Variants in CNTLN observed in about 807,000 individuals in gnomAD.
The protein encoded by CNTLN is centlein, also known as centlein, centrosomal protein.
In CNTLN, 212 loss-of-function variants were observed where a neutral mutation model predicts 180.0. The observed-to-expected ratio is 1.18, with a 90% confidence interval of 1.05 to 1.32. The LOEUF (loss-of-function observed/expected upper bound fraction) is 1.32, where lower values mean the gene tolerates loss of function less well. CNTLN is among the 40% of genes most tolerant of loss of function. CNTLN has a pLI of 0.00. For missense variants in CNTLN, 2,095 were observed against 1,610.9 expected (o/e 1.30, Z -5.14); for synonymous variants, 722 against 563.1 (o/e 1.28, Z -3.99).
At chr9:17,473,574 C>G (rs1832151543) in intron 23 of CNTLN, among the ~76,000 whole-genome samples, 1 of 147,264 alleles carries the variant, frequency 6.8e-6, no homozygotes, top group Admixed American at 6.8e-5. Flanking sequence ...CTTTCATTAG[C>G]AAACACACAC....
intron 5 of CNTLN, among the ~76,000 whole-genome samples, chr9:17,244,045 T>C (rs1005086218): frequency 1.3e-5 from 2 of 152,312 alleles, no homozygotes; most frequent in African/African-American, 4.8e-5. Flanking sequence ...TTGACCTCTT[T>C]ATCATTATAT....
At chr9:17,148,599 T>A (rs866888015) in intron 2 of CNTLN, among the ~76,000 whole-genome samples, 4 of 152,314 alleles carry the variant, frequency 2.6e-5, no homozygotes, top group Middle Eastern at 3.4e-3. Context: ...TGCTTGATGA[T>A]CATTTGAAGG....
chr9:17,261,371 C>T (rs1826963051), intron 5 of CNTLN, among the ~76,000 whole-genome samples: 1 of 151,370 alleles, frequency 6.6e-6, no homozygotes, highest in South Asian at 2.1e-4. Flanking sequence ...TGTACTTCTT[C>T]TTGTAAAGAT....
chr9:17,162,896 C>T (rs889678519), intron 2 of CNTLN, among the ~76,000 whole-genome samples: 1 of 152,146 alleles, frequency 6.6e-6, no homozygotes, highest in Non-Finnish European at 1.5e-5. Flanking sequence ...AGGATGTTAA[C>T]TGTATTTTTA....
chr9:17,280,551 G>T (rs1400926187), intron 6 of CNTLN, among the ~76,000 whole-genome samples: 1 of 152,106 alleles, frequency 6.6e-6, no homozygotes, highest in African/African-American at 2.4e-5. Context: ...TTCCAGTACA[G>T]AGTGGGCAAA....
intron 25 of CNTLN, among the ~76,000 whole-genome samples, chr9:17,498,979 T>C (rs1833599517): frequency 6.6e-6 from 1 of 152,148 alleles, no homozygotes; most frequent in African/African-American, 2.4e-5. Flanking sequence ...CATATAAAGA[T>C]AATATAATTA....
chr9:17,284,082 C>T (rs112046735), intron 6 of CNTLN, among the ~76,000 whole-genome samples: 10 of 152,058 alleles, frequency 6.6e-5, no homozygotes, highest in South Asian at 2.1e-4. Flanking sequence ...AGTACAATGG[C>T]GTGACCTTGG....
chr9:17,401,345 T>C (rs184827212), intron 15 of CNTLN, among the ~76,000 whole-genome samples: 104 of 152,266 alleles, frequency 6.8e-4, no homozygotes, highest in African/African-American at 2.3e-3. Flanking sequence ...CCTAATATAG[T>C]ACGGTACATT....
At chr9:17,263,916 T>G (rs1307902701) in intron 5 of CNTLN, among the ~76,000 whole-genome samples, 2 of 142,156 alleles carry the variant, frequency 1.4e-5, no homozygotes, top group Non-Finnish European at 3.0e-5. Context: ...TAAATTTGTT[T>G]GAGTTCATTG....
At chr9:17,228,528 A>G (rs1377778719) in intron 3 of CNTLN, among the ~76,000 whole-genome samples, 1 of 152,042 alleles carries the variant, frequency 6.6e-6, no homozygotes, top group Non-Finnish European at 1.5e-5. Context: ...TCAGAGTTAC[A>G]TTTCTTGCCT....
chr9:17,275,278 T>C (rs959693715), intron 6 of CNTLN, among the ~76,000 whole-genome samples: 2 of 152,146 alleles, frequency 1.3e-5, no homozygotes, highest in African/African-American at 2.4e-5. Flanking sequence ...TACATGTACT[T>C]AGTTGAAATT....
the CNTLN span, among the ~76,000 whole-genome samples, chr9:17,525,239 TA>T: frequency 4.5e-3 from 666 of 147,438 alleles, 2 homozygotes; most frequent in African/African-American, 6.3e-3. Flanking sequence ...ACTTAACTGA[TA>T]AAAAAAAAAC....
chr9:17,202,651 T>G (rs964064753), intron 2 of CNTLN, among the ~76,000 whole-genome samples: 1 of 106,100 alleles, frequency 9.4e-6, no homozygotes. Context: ...CCTCTGTTTT[T>G]TTTTTTTTTT....
At chr9:17,386,730 C>G (rs1825714631) in intron 13 of CNTLN, among the ~76,000 whole-genome samples, 1 of 152,170 alleles carries the variant, frequency 6.6e-6, no homozygotes, top group Admixed American at 6.6e-5. Context: ...CACACAAATT[C>G]ATTTTTAAAT....
chr9:17,380,259 G>A (rs1825132352), intron 13 of CNTLN, among the ~76,000 whole-genome samples: 1 of 152,182 alleles, frequency 6.6e-6, no homozygotes, highest in African/African-American at 2.4e-5. Flanking sequence ...TGGGAGGATG[G>A]TTGGGAGAGG....
At chr9:17,355,106 T>C (rs150116667) in intron 12 of CNTLN, among the ~76,000 whole-genome samples, 56 of 152,296 alleles carry the variant, frequency 3.7e-4, no homozygotes, top group Non-Finnish European at 6.8e-4. Context: ...TTAAGAGCTG[T>C]AACACTCACC....
chr9:17,439,923 A>G (rs1298251151), intron 18 of CNTLN, among the ~76,000 whole-genome samples: 2 of 152,232 alleles, frequency 1.3e-5, no homozygotes, highest in African/African-American at 4.8e-5. Context: ...TCCAGATCAT[A>G]ATAAGTAAAT....
At chr9:17,369,065 A>T (rs567851031) in intron 13 of CNTLN, among the ~76,000 whole-genome samples, 2 of 152,308 alleles carry the variant, frequency 1.3e-5, no homozygotes, top group African/African-American at 4.8e-5. Context: ...TTGAATTATA[A>T]TCCCCATAAT....
intron 19 of CNTLN, among the ~76,000 whole-genome samples, chr9:17,459,846 T>G (rs1831350365): frequency 6.6e-6 from 1 of 151,690 alleles, no homozygotes; most frequent in African/African-American, 2.4e-5. Context: ...TTACCTGAAT[T>G]ATCTGTTTAA....
Sources: allele counts gnomAD v4.1 joint callset (sites outside exome capture counted in the v4.1 genomes callset), GRCh38; gene constraint gnomAD v4.1.1; transcripts MANE v1.5; gene names NCBI Gene and HGNC (gene_info 2026-07-23, HGNC 2026-07-21).